SAMD8: variants seen among roughly 807,000 people sequenced by gnomAD.
SAMD8 encodes sterile alpha motif domain containing 8.
A neutral mutation model predicts 42.0 loss-of-function variants in SAMD8; 20 were observed. The observed-to-expected ratio is 0.48, with a 90% confidence interval of 0.34 to 0.69. The LOEUF is 0.69. Among genes scored for constraint, SAMD8 ranks in the 30% least tolerant of loss-of-function variants. The probability of loss-of-function intolerance (pLI) is 0.01; values close to 1 mark genes in which losing one functional copy is unlikely to be tolerated. For missense variants in SAMD8, 328 were observed against 511.6 expected (o/e 0.64, Z 3.46); for synonymous variants, 162 against 173.0 (o/e 0.94, Z 0.50).
At chr10:75,101,347 T>A (rs1191771331) in intron 1 of SAMD8, among the ~76,000 whole-genome samples, 1 of 152,220 alleles carries the variant, frequency 6.6e-6, no homozygotes, top group Non-Finnish European at 1.5e-5. Flanking sequence ...CACGTCTTAC[T>A]ATTATTATCA....
chr10:75,105,624 G>T, intron 1 of SAMD8: 1 of 1,536,082 alleles, frequency 6.5e-7, no homozygotes, highest in Non-Finnish European at 8.8e-7. Flanking sequence ...GGCCTCTTCC[G>T]GCCAACCACA....
intron 1 of SAMD8, among the ~76,000 whole-genome samples, chr10:75,129,135 C>CT (rs1554858589): frequency 1.6e-5 from 2 of 122,534 alleles, no homozygotes; most frequent in South Asian, 5.2e-4. Context: ...TCTTCTTCTT[C>CT]TTATTTTTTT....
At chr10:75,108,298 A>C (rs777388659), upstream of SAMD8, 98 of 1,503,590 alleles carry the variant, frequency 6.5e-5, 1 homozygote, top group South Asian at 1.2e-3. Flanking sequence ...AGAGGGACCG[A>C]GCCATTAGGG....
chr10:75,157,652 T>A (rs1840444340), intron 2 of SAMD8, among the ~76,000 whole-genome samples: 2 of 152,176 alleles, frequency 1.3e-5, no homozygotes, highest in Non-Finnish European at 2.9e-5. Context: ...GTGAATAGAC[T>A]TGTGTAATGC....
chr10:75,137,931 G>C (rs532528654), intron 1 of SAMD8, among the ~76,000 whole-genome samples: 1 of 152,276 alleles, frequency 6.6e-6, no homozygotes, highest in African/African-American at 2.4e-5. Flanking sequence ...GCAGGTATTA[G>C]GAAACCACTA....
At chr10:75,175,980 G>T in intron 4 of SAMD8, 86 bp from the exon 5 acceptor site, 1 of 1,532,664 alleles carries the variant, frequency 6.5e-7, no homozygotes. Context: ...AAGTTATTCA[G>T]CATTTGAATT....
chr10:75,135,453 C>T (rs914934596), intron 1 of SAMD8, among the ~76,000 whole-genome samples: 2 of 117,356 alleles, frequency 1.7e-5, no homozygotes, highest in African/African-American at 5.9e-5. Flanking sequence ...AATTCCATCT[C>T]AAAAAAAAAA....
upstream of SAMD8, chr10:75,109,131 C>A (rs751522186): frequency 1.9e-6 from 3 of 1,605,960 alleles, no homozygotes; most frequent in African/African-American, 1.3e-5. Flanking sequence ...CCTCTCCCCC[C>A]AGCTCTGGGA....
intron 1 of SAMD8, among the ~76,000 whole-genome samples, chr10:75,148,942 A>G (rs1018070639): frequency 1.3e-5 from 2 of 152,228 alleles, no homozygotes; most frequent in African/African-American, 4.8e-5. Flanking sequence ...CAAAAGGAAC[A>G]AACTCATGTA....
intron 4 of SAMD8, among the ~76,000 whole-genome samples, chr10:75,169,954 G>A (rs1208020821): frequency 5.9e-5 from 9 of 152,210 alleles, no homozygotes; most frequent in South Asian, 2.1e-4. Context: ...GCAGTTTGAC[G>A]ACATACTCAG....
chr10:75,099,736 G>T, intron 1 of SAMD8: 1 of 272,608 alleles, frequency 3.7e-6, no homozygotes, highest in Non-Finnish European at 6.6e-6. Context: ...GAGGTGGGAA[G>T]AGAACTTCTG....
intron 1 of SAMD8, among the ~76,000 whole-genome samples, chr10:75,136,458 C>T (rs966917143): frequency 6.6e-6 from 1 of 152,110 alleles, no homozygotes; most frequent in Non-Finnish European, 1.5e-5. Context: ...TAGAATTGGA[C>T]CAGAATGTGG....
In SAMD8 at chr10:75,181,138, A is replaced by G. The variant is rs111778587; in HGVS notation, c.*4446A>G. On this transcript the variant is annotated 3_prime_UTR_variant, in exon 6 of 6. Coordinates refer to ENST00000542569, the MANE Select transcript of SAMD8 (RefSeq NM_001174156.2). ...GAAAGCTGTCTTGTAGAATAGTCCA[A>G]TTGCTTTCTTAAACAGTACTGGTTT... 3.4e-4 allele frequency: 52 copies of G among 152,338 alleles called. No individual in the cohort carries two copies. Among genetic ancestry groups the G allele is most frequent in the African/African-American group, 1.2e-3 (49 of 41,558 alleles). The allele number at this position is 152,338 out of a possible 1,614,324, so 9.4% of individuals were successfully genotyped here.
rs1840726283 is a variant in SAMD8 at position 75,167,807 on chromosome 10, GT to G, written c.675-732del. On this transcript the variant is annotated intron_variant, in intron 3 of 5. Transcript: ENST00000542569. ...GAGGTCTGGTTATGTTGCCCAAGCT[GT>G]TGTCAAACTTTTGGACTCAAGCAAT... Among the ~76,000 whole-genome samples, 2 of 151,892 alleles carry G rather than the reference GT, an allele frequency of 1.3e-5. 1 individual carries two copies. The highest frequency in any genetic ancestry group is 2.9e-5 in the Non-Finnish European group (2 of 68,002).
At chr10:75,160,429 AT>A (rs1840531992) in intron 2 of SAMD8, among the ~76,000 whole-genome samples, 1 of 150,956 alleles carries the variant, frequency 6.6e-6, no homozygotes, top group African/African-American at 2.4e-5. Context: ...GATGATCTCG[AT>A]CTCCTGTCCT....
chr10:75,150,783 G>A lies in SAMD8; in HGVS notation c.255G>A (p.Glu85=). Residue 85 remains glutamate (E), a synonymous_variant, in exon 2 of 6, where the codon GAG becomes GAA. Coordinates refer to ENST00000542569, the MANE Select transcript of SAMD8 (RefSeq NM_001174156.2). ...AAATACATATTGATGTTTTAGAAGA[G>A]ATGGGCTACAACAGTGACAGTCCCA... ...LQKIHIDVLE[E]MGYNSDSPMG... is the part of the protein sequence containing the mutation. 6.2e-7 allele frequency: 1 copy of A among 1,614,162 alleles called. No individual in the cohort carries two copies. The highest frequency in any genetic ancestry group is 8.5e-7 in the Non-Finnish European group (1 of 1,180,040).
intron 2 of SAMD8, among the ~76,000 whole-genome samples, chr10:75,154,902 GT>G (rs923160254): frequency 6.6e-6 from 1 of 151,486 alleles, no homozygotes; most frequent in African/African-American, 2.4e-5. Flanking sequence ...TTTGTTTTTT[GT>G]TTTTTTTGAG....
At chr10:75,112,248 G>A (rs2134410811) in intron 1 of SAMD8, among the ~76,000 whole-genome samples, 1 of 152,312 alleles carries the variant, frequency 6.6e-6, no homozygotes, top group Non-Finnish European at 1.5e-5. Context: ...GGTGATGGAG[G>A]GCAGGATTTA....
chr10:75,110,112 G>A (rs920315239), upstream of SAMD8, among the ~76,000 whole-genome samples: 2 of 152,074 alleles, frequency 1.3e-5, no homozygotes, highest in African/African-American at 2.4e-5. Flanking sequence ...CCGCCGTGCC[G>A]GGCCAATGGG....
Sources: allele counts gnomAD v4.1 joint callset (sites outside exome capture counted in the v4.1 genomes callset), GRCh38; gene constraint gnomAD v4.1.1; transcripts MANE v1.5; gene names NCBI Gene and HGNC (gene_info 2026-07-23, HGNC 2026-07-21).